PDE10A: variants seen among roughly 807,000 people sequenced by gnomAD.
PDE10A encodes the protein phosphodiesterase 10A.
Under a neutral mutation model 97.7 loss-of-function variants are expected in PDE10A, and 39 were observed. The observed-to-expected ratio is 0.40, with a 90% CI of 0.31 to 0.52. The LOEUF is 0.52. Ranked by LOEUF, PDE10A falls within the 20% of genes least tolerant of loss-of-function variation. The pLI, the probability that PDE10A is intolerant of heterozygous loss-of-function variation, is 0.56. For synonymous variants in PDE10A, 371 were observed against 376.8 expected (o/e 0.98, Z 0.18); for missense variants, 731 against 1,047.8 (o/e 0.70, Z 4.17).
chr6:165,794,216 C>T (rs780217986), intron 1 of PDE10A, among the ~76,000 whole-genome samples: 3 of 150,772 alleles, frequency 2.0e-5, no homozygotes, highest in Non-Finnish European at 4.4e-5. Context: ...ACACTCATCA[C>T]ACAATCATAC....
intron 1 of PDE10A, among the ~76,000 whole-genome samples, chr6:165,882,496 C>T (rs1317178475): frequency 1.3e-5 from 2 of 152,084 alleles, no homozygotes; most frequent in African/African-American, 4.8e-5. Flanking sequence ...GTATTCCTGC[C>T]ACTGGCTTAA....
intron 1 of PDE10A, among the ~76,000 whole-genome samples, chr6:165,783,360 G>T (rs1208950876): frequency 1.3e-5 from 2 of 152,144 alleles, no homozygotes; most frequent in Non-Finnish European, 2.9e-5. Flanking sequence ...TTAGGACCAG[G>T]TCTTTTAGAT....
intron 1 of PDE10A, among the ~76,000 whole-genome samples, chr6:165,785,953 C>T (rs1778480402): frequency 6.6e-6 from 1 of 152,226 alleles, no homozygotes; most frequent in Non-Finnish European, 1.5e-5. Context: ...AATGTTTATA[C>T]TTCCGTAATT....
At chr6:165,366,800 C>T (rs1431475688) in intron 18 of PDE10A, among the ~76,000 whole-genome samples, 1 of 152,128 alleles carries the variant, frequency 6.6e-6, no homozygotes, top group East Asian at 1.9e-4. Flanking sequence ...GAAATGGAAC[C>T]ACCCAACTAA....
At chr6:165,392,338 T>C (rs995629994) in intron 16 of PDE10A, among the ~76,000 whole-genome samples, 2 of 152,232 alleles carry the variant, frequency 1.3e-5, no homozygotes, top group Non-Finnish European at 2.9e-5. Flanking sequence ...ATATAAGCAA[T>C]GAATAAAATT....
rs1163510297 is a variant in PDE10A, at chr6:165,943,219, GAA to G, written c.-615+44308_-615+44309del. Among the ~76,000 whole-genome samples the G allele has an allele frequency of 8.8e-4, 64 of 72,876 alleles. 2 individuals carry two copies. The highest frequency in any genetic ancestry group is 3.4e-3 in the African/African-American group (52 of 15,304). 47.8% of individuals were successfully genotyped at this position (72,876 alleles called of 152,430 possible). A position where few individuals can be genotyped will look rare whatever the true frequency, so the allele number is the denominator to read the frequency against. On this transcript the variant is annotated intron_variant, in intron 1 of 19. Transcript: ENST00000366882. ...AGAAAGAAAGAAAGAAAGAAAGAAAGAAAGAAAGAAAGAAAGAAGGAAGGAAG... is the reference window on the plus strand; with the variant it reads ...AGAAAGAAAGAAAGAAAGAAAGAAAGAGAAAGAAAGAAAGAAGGAAGGAAG...
At chr6:165,684,141 C>T (rs1382519621) in intron 1 of PDE10A, among the ~76,000 whole-genome samples, 1 of 152,292 alleles carries the variant, frequency 6.6e-6, no homozygotes, top group South Asian at 2.1e-4. Context: ...TATTTCCTCC[C>T]CTGCCTCCTT....
In PDE10A at chr6:165,671,990, G is replaced by A. The variant is rs73788708; in HGVS notation, c.-614-128422C>T. 0.023 allele frequency among the ~76,000 whole-genome samples: 3,484 copies of A among 152,154 alleles called. 119 individuals carry two copies. Among genetic ancestry groups the A allele is most frequent in the African/African-American group, 0.079 (3,279 of 41,504 alleles). ...GTCAAACTATATTACTTCCGTAACC[G>A]TAAAATACTGGTGAAGTCTTATCTT... On this transcript the variant is annotated intron_variant, in intron 1 of 19. Coordinates refer to the PDE10A transcript ENST00000366882. The surrounding 1 kb of genome is among the most constrained non-coding windows in gnomAD (Gnocchi z 4.6).
chr6:165,941,233 G>T (rs989433904), intron 1 of PDE10A, among the ~76,000 whole-genome samples: 2 of 152,188 alleles, frequency 1.3e-5, no homozygotes, highest in Non-Finnish European at 2.9e-5. Context: ...AAAACACTTA[G>T]AACGATGGTT....
chr6:165,746,594 G>A (rs1036916961), intron 1 of PDE10A, among the ~76,000 whole-genome samples: 1 of 152,208 alleles, frequency 6.6e-6, no homozygotes, highest in Non-Finnish European at 1.5e-5. Context: ...GAACACAGGC[G>A]TTCCATTCAT....
intron 1 of PDE10A, chr6:165,939,872 TG>T (rs1047165792): frequency 6.6e-6 from 1 of 152,254 alleles, no homozygotes; most frequent in African/African-American, 2.4e-5. Context: ...TCCTTGTTTT[TG>T]TCTCTGCCTT....
intron 1 of PDE10A, among the ~76,000 whole-genome samples, chr6:165,837,628 C>T (rs1450474492): frequency 1.3e-5 from 2 of 150,800 alleles, no homozygotes; most frequent in African/African-American, 4.9e-5. Context: ...CTAAGTTCCT[C>T]CAAGTAATCT....
chr6:165,621,298 C>CAAAAAA (rs201406861), intron 1 of PDE10A, among the ~76,000 whole-genome samples: 2 of 138,214 alleles, frequency 1.4e-5, no homozygotes, highest in East Asian at 4.3e-4. Context: ...TTTAAGCTTT[C>CAAAAAA]AAAAAAAAAA....
intron 2 of PDE10A, among the ~76,000 whole-genome samples, chr6:165,531,499 A>G (rs1367755995): frequency 6.6e-6 from 1 of 152,178 alleles, no homozygotes; most frequent in African/African-American, 2.4e-5. Flanking sequence ...ATAATGGAGC[A>G]TTCATAAATG....
intron 1 of PDE10A, among the ~76,000 whole-genome samples, chr6:165,900,957 A>C (rs1782088215): frequency 6.6e-6 from 1 of 152,178 alleles, no homozygotes; most frequent in Non-Finnish European, 1.5e-5. Flanking sequence ...GCACTCTCTT[A>C]ATGAGCGAAA....
chr6:165,971,663 A>G (rs1312765881), intron 1 of PDE10A, among the ~76,000 whole-genome samples: 1 of 152,200 alleles, frequency 6.6e-6, no homozygotes, highest in Admixed American at 6.5e-5. Flanking sequence ...AAGAAGCAAA[A>G]CAATAGTAAT....
Position 165,433,073 on chromosome 6 carries a change from A to T in PDE10A, c.1392T>A (p.Val464=). 1.9e-6 allele frequency: 3 copies of T among 1,613,608 alleles called. No homozygotes were observed. The East Asian group carries it at 6.7e-5, about 36-fold the overall frequency. The change falls in exon 7 of 22, where the codon GTT becomes GTA. Residue 464 remains valine (V), a synonymous_variant. Transcript: ENST00000539869. ...GLESGTRIQS[V]LCLPIVTAIG... ...TTGCAGTGACAATTGGTAAGCAAAGAACAGACTGGATACGAGTCCCTGATT... is the reference window on the plus strand; with the variant it reads ...TTGCAGTGACAATTGGTAAGCAAAGTACAGACTGGATACGAGTCCCTGATT...
Position 165,592,225 on chromosome 6 carries a change from T to C in PDE10A, c.866-48657A>G, listed in dbSNP as rs1197661705. ...ATTGGGGAAAGGATTCCTTATTTAATAAATGGTGTAGGGAAAACTGGCTAG... is the reference window on the plus strand; with the variant it reads ...ATTGGGGAAAGGATTCCTTATTTAACAAATGGTGTAGGGAAAACTGGCTAG... On this transcript the variant is annotated intron_variant, in intron 1 of 21. Transcript: ENST00000539869. Among the ~76,000 whole-genome samples, 3 of 151,588 alleles carry C rather than the reference T, an allele frequency of 2.0e-5. No homozygotes were observed. The East Asian group carries it at 6.4e-4, about 32-fold the overall frequency.
intron 18 of PDE10A, among the ~76,000 whole-genome samples, chr6:165,374,759 T>TTG: frequency 6.6e-6 from 1 of 151,964 alleles, no homozygotes; most frequent in South Asian, 2.1e-4. Flanking sequence ...TTTTTGGTTT[T>TTG]TTTTTTTTTT....
Sources: allele counts gnomAD v4.1 joint callset (sites outside exome capture counted in the v4.1 genomes callset), GRCh38; gene constraint gnomAD v4.1.1; non-coding constraint Gnocchi (gnomAD v3.1); transcripts MANE v1.5; gene names NCBI Gene and HGNC (gene_info 2026-07-23, HGNC 2026-07-21).